The following TENM3 variants were observed in gnomAD, a reference collection of about 807,000 sequenced individuals.
The protein encoded by TENM3 is teneurin transmembrane protein 3.
A neutral mutation model predicts 255.1 loss-of-function variants in TENM3; 63 were observed. The ratio of observed to expected loss-of-function variants is 0.25; its 90% CI spans 0.20 to 0.30. The LOEUF is 0.30. TENM3 is among the 10% of genes least tolerant of loss of function. TENM3 has a pLI of 1.00. For missense variants in TENM3, 2,929 were observed against 3,461.1 expected, an observed-to-expected ratio of 0.85 and a Z score of 3.86; for synonymous variants, 1,306 against 1,322.3, an observed-to-expected ratio of 0.99 and a Z score of 0.27.
the TENM3 span, among the ~76,000 whole-genome samples, chr4:182,094,250 CTTT>C: frequency 2.1e-5 from 3 of 145,922 alleles, no homozygotes; most frequent in Admixed American, 6.8e-5. Flanking sequence ...TCATTCTTTA[CTTT>C]TTTTTTTTTT....
chr4:181,851,365 T>C, the TENM3 span, among the ~76,000 whole-genome samples: 1 of 152,120 alleles, frequency 6.6e-6, no homozygotes, highest in Non-Finnish European at 1.5e-5. Flanking sequence ...TTACCCAGCA[T>C]AGAAATACAC....
the TENM3 span, among the ~76,000 whole-genome samples, chr4:182,125,768 CTTT>C: frequency 1.4e-5 from 2 of 139,508 alleles, no homozygotes; most frequent in African/African-American, 2.6e-5. Flanking sequence ...CTTTCCTTGC[CTTT>C]TTTTTTTTTT....
intron 1 of TENM3, among the ~76,000 whole-genome samples, chr4:182,168,641 G>A (rs557710162): frequency 3.3e-5 from 5 of 152,234 alleles, no homozygotes; most frequent in African/African-American, 1.2e-4. Context: ...TGTTAATATA[G>A]TATTGAGACT....
At chr4:181,511,617 A>G in the TENM3 span, among the ~76,000 whole-genome samples, 1 of 152,178 alleles carries the variant, frequency 6.6e-6, no homozygotes, top group Admixed American at 6.5e-5. Context: ...TCAAGAATGT[A>G]AAGTGTTCAT....
the TENM3 span, among the ~76,000 whole-genome samples, chr4:181,799,671 G>A: frequency 6.6e-6 from 1 of 152,222 alleles, no homozygotes; most frequent in African/African-American, 2.4e-5. Flanking sequence ...AAAGAGGCTA[G>A]CGCATTAAGA....
At chr4:181,553,135 T>C in the TENM3 span, among the ~76,000 whole-genome samples, 3 of 152,156 alleles carry the variant, frequency 2.0e-5, no homozygotes, top group African/African-American at 7.2e-5. Context: ...TAGAGAATTA[T>C]TTTTAAATGA....
chr4:182,036,393 G>A, the TENM3 span, among the ~76,000 whole-genome samples: 5,676 of 152,096 alleles, frequency 0.037, 152 homozygotes, highest in Middle Eastern at 0.068. Context: ...TTTTCACCAC[G>A]TTGGCCAGGC....
chr4:182,289,334 A>T (rs936161768), intron 1 of TENM3, among the ~76,000 whole-genome samples: 1 of 152,266 alleles, frequency 6.6e-6, no homozygotes. Flanking sequence ...CTCTATCTAC[A>T]GCGGCCTGTT....
the TENM3 span, among the ~76,000 whole-genome samples, chr4:181,927,242 T>C: frequency 0.017 from 2,617 of 152,256 alleles, 66 homozygotes; most frequent in African/African-American, 0.059. Flanking sequence ...GATCCCACCC[T>C]CACGGAACCC....
intron 1 of TENM3, among the ~76,000 whole-genome samples, chr4:182,212,291 C>CAAA (rs1444768468): frequency 6.6e-6 from 1 of 152,226 alleles, no homozygotes; most frequent in African/African-American, 2.4e-5. Context: ...ACATGGCTCC[C>CAAA]ACGCTGTTTC....
intron 18 of TENM3, among the ~76,000 whole-genome samples, chr4:182,740,589 A>T (rs1439020485): frequency 6.6e-6 from 1 of 152,186 alleles, no homozygotes; most frequent in Non-Finnish European, 1.5e-5. Context: ...AAAGTTCATA[A>T]CCAGTTAGCT....
At position 182,517,590 on chromosome 4, in the gene TENM3, A is replaced by C. The variant is rs1322408019; in HGVS notation, c.512-83334A>C. 1.5e-4 allele frequency among the ~76,000 whole-genome samples: 20 copies of C among 132,124 alleles called. 1 individual carries two copies. The highest frequency in any genetic ancestry group is 3.1e-4 in the Non-Finnish European group (19 of 60,944). 86.7% of individuals were successfully genotyped at this position (132,124 alleles called of 152,430 possible). On this transcript the variant is annotated intron_variant, in intron 3 of 27. Coordinates refer to ENST00000511685, the MANE Select transcript of TENM3 (RefSeq NM_001080477.4). ...AGTAGAGACGGGGTTTCACCGTGTT[A>C]GCCAGGATGGTCTCGATCTCCTGAC...
the TENM3 span, among the ~76,000 whole-genome samples, chr4:181,466,066 G>A: frequency 2.6e-5 from 4 of 151,850 alleles, no homozygotes; most frequent in Admixed American, 6.6e-5. Flanking sequence ...CCACCTAAAC[G>A]TGGGTGGATA....
intron 3 of TENM3, among the ~76,000 whole-genome samples, chr4:182,499,159 C>T (rs1445905592): frequency 6.6e-6 from 1 of 152,184 alleles, no homozygotes; most frequent in Non-Finnish European, 1.5e-5. Context: ...GTAGTAGAAA[C>T]ATTCCTCTGG....
upstream of TENM3, chr4:182,141,231 C>T (rs995502917): frequency 1.3e-5 from 2 of 152,228 alleles, no homozygotes; most frequent in Non-Finnish European, 2.9e-5. Flanking sequence ...TGAGAGCGGC[C>T]AGAGGCTTGC....
intron 1 of TENM3, among the ~76,000 whole-genome samples, chr4:182,147,398 C>G (rs1295541986): frequency 1.3e-5 from 2 of 152,084 alleles, no homozygotes; most frequent in Non-Finnish European, 2.9e-5. Context: ...CCCAACAAAG[C>G]CAAGTTTATT....
the TENM3 span, among the ~76,000 whole-genome samples, chr4:181,674,415 GAA>G: frequency 0.061 from 8,992 of 147,076 alleles, 373 homozygotes; most frequent in Middle Eastern, 0.15. Context: ...CATGGTCTAT[GAA>G]AAAAAAAAAA....
chr4:182,264,912 G>A (rs966498067), intron 1 of TENM3, among the ~76,000 whole-genome samples: 5 of 151,564 alleles, frequency 3.3e-5, no homozygotes, highest in Non-Finnish European at 7.4e-5. Flanking sequence ...CTTGGAACTT[G>A]TTTTTCTGAA....
At chr4:182,209,037 C>T (rs1754782893) in intron 1 of TENM3, among the ~76,000 whole-genome samples, 1 of 150,780 alleles carries the variant, frequency 6.6e-6, no homozygotes, top group Admixed American at 6.6e-5. Flanking sequence ...GGCACAGTCT[C>T]AGCTCACTGC....
Sources: allele counts gnomAD v4.1 joint callset (sites outside exome capture counted in the v4.1 genomes callset), GRCh38; gene constraint gnomAD v4.1.1; transcripts MANE v1.5; gene names NCBI Gene and HGNC (gene_info 2026-07-23, HGNC 2026-07-21).